Variants in CFAP77 observed in about 807,000 individuals in gnomAD.
CFAP77 encodes the protein cilia and flagella associated protein 77, also known as cilia- and flagella-associated protein 77.
CFAP77 carries 25 observed loss-of-function variants against 31.1 expected under a neutral mutation model. The observed-to-expected ratio is 0.80, with a 90% confidence interval of 0.59 to 1.12. The LOEUF (loss-of-function observed/expected upper bound fraction) is 1.12. Among genes scored for constraint, CFAP77 ranks in the 50% most tolerant of loss-of-function variants. The pLI is 0.00. For synonymous variants in CFAP77, 151 were observed against 159.9 expected, an observed-to-expected ratio of 0.94 and a Z score of 0.42; for missense variants, 377 against 397.3, an observed-to-expected ratio of 0.95 and a Z score of 0.44.
intron 1 of CFAP77, among the ~76,000 whole-genome samples, chr9:132,427,928 A>T (rs1850344246): frequency 6.6e-6 from 1 of 152,186 alleles, no homozygotes; most frequent in Non-Finnish European, 1.5e-5. Flanking sequence ...TGAATTTTGA[A>T]GAGACGGAGT....
rs1188396287 is a variant in CFAP77, at chr9:132,542,952, C to T, written c.637C>T (p.Leu213Phe). Residue 213 changes from leucine (L) to phenylalanine (F), a missense_variant, in exon 5 of 6, where the codon CTT becomes TTT. Transcript: ENST00000393216. ...GCCTTTCCCTGGCCTACAGGTGGTC[C>T]TTGGGAAGCTGTATGAGACCCGGAG... ...IKLEKKQKVV[L>F]GKLYETRSSQ... The T allele has an allele frequency of 6.2e-7, 1 of 1,614,114 alleles. No individual in the cohort carries two copies. The highest frequency in any genetic ancestry group is 1.7e-5 in the Admixed American group (1 of 60,020).
intron 3 of CFAP77, among the ~76,000 whole-genome samples, chr9:132,521,604 C>T (rs1260144065): frequency 1.3e-5 from 2 of 151,924 alleles, no homozygotes; most frequent in Non-Finnish European, 2.9e-5. Flanking sequence ...CGAGAGGTGT[C>T]CGCCAGGCGA....
chr9:132,487,767 A>T (rs1308746650), intron 1 of CFAP77, among the ~76,000 whole-genome samples: 1 of 152,016 alleles, frequency 6.6e-6, no homozygotes, highest in African/African-American at 2.4e-5. Flanking sequence ...CACAATGCAC[A>T]GGGTTCAAAG....
At chr9:132,460,746 TTAAA>T (rs1851033497) in intron 1 of CFAP77, among the ~76,000 whole-genome samples, 1 of 152,094 alleles carries the variant, frequency 6.6e-6, no homozygotes, top group Non-Finnish European at 1.5e-5. Flanking sequence ...ATTGTGCACT[TTAAA>T]AGGGTCAATT....
At chr9:132,515,097 C>A (rs529339152) in intron 3 of CFAP77, among the ~76,000 whole-genome samples, 1 of 152,146 alleles carries the variant, frequency 6.6e-6, no homozygotes, top group Admixed American at 6.5e-5. Context: ...AACCACTTGG[C>A]GGGGGTGGGG....
intron 3 of CFAP77, among the ~76,000 whole-genome samples, chr9:132,532,663 A>G (rs959035832): frequency 1.3e-5 from 2 of 152,292 alleles, no homozygotes; most frequent in Non-Finnish European, 2.9e-5. Flanking sequence ...TTCCCCTCTC[A>G]GCACCTCCAT....
intron 1 of CFAP77, among the ~76,000 whole-genome samples, chr9:132,487,643 GTTT>G (rs74783489): frequency 5.1e-4 from 64 of 126,724 alleles, no homozygotes; most frequent in African/African-American, 1.9e-3. Flanking sequence ...TCCGGCTGTG[GTTT>G]TTTTTTTTTT....
chr9:132,565,261 CT>C lies in CFAP77; in HGVS notation c.733-7126del, dbSNP rs1373879107. Among the ~76,000 whole-genome samples the C allele has an allele frequency of 6.6e-6, 1 of 151,862 alleles. No individual in the cohort carries two copies. The highest frequency in any genetic ancestry group is 6.6e-5 in the Admixed American group (1 of 15,234). ...TGCCCCTTCCTTTGCCCCTGGCTTG[CT>C]CCTTCATCCTCCCCAGAGAGCCCTT... is the stretch of plus-strand genomic sequence containing the variant. On this transcript the variant is annotated intron_variant, in intron 5 of 5. Transcript: ENST00000393216. This position sits in a 1 kb window ranked among gnomAD's most constrained non-coding sequence, Gnocchi z 4.1.
At position 132,490,497 on chromosome 9, in the gene CFAP77, G is replaced by A. The variant is rs543076680; in HGVS notation, c.196-8198G>A. 2.6e-5 allele frequency among the ~76,000 whole-genome samples: 4 copies of A among 152,126 alleles called. No individual in the cohort carries two copies. The highest frequency in any genetic ancestry group is 2.1e-4 in the South Asian group (1 of 4,812). ...GCCCCTCTGAGGTGCCCAGAGACCC[G>A]CCACCCCTCTGTCAGGCAGCTTTTC... On this transcript the variant is annotated intron_variant, in intron 1 of 5. Coordinates refer to ENST00000393216, the MANE Select transcript of CFAP77 (RefSeq NM_001282957.2). The surrounding 1 kb of genome is among the most constrained non-coding windows in gnomAD (Gnocchi z 4.6).
At chr9:132,488,828 C>T (rs879378956) in intron 1 of CFAP77, among the ~76,000 whole-genome samples, 1 of 152,096 alleles carries the variant, frequency 6.6e-6, no homozygotes, top group African/African-American at 2.4e-5. Flanking sequence ...AGGAGGAGCC[C>T]GGAGAATCCC....
intron 1 of CFAP77, among the ~76,000 whole-genome samples, chr9:132,454,454 C>A (rs757396280): frequency 2.0e-5 from 3 of 152,186 alleles, no homozygotes; most frequent in Non-Finnish European, 2.9e-5. Flanking sequence ...AACTAAGCTT[C>A]TTTCTCCATA....
Position 132,572,676 on chromosome 9 carries a change from T to G in CFAP77, c.*166T>G. 2 of 710,010 alleles carry G rather than the reference T, an allele frequency of 2.8e-6. No homozygotes were observed. The highest frequency in any genetic ancestry group is 4.5e-6 in the Non-Finnish European group (2 of 444,560). The allele number at this position is 710,010 out of a possible 1,614,324, so 44.0% of individuals were successfully genotyped here. ...AATTGTTTTTGGTAAAAGTCCCCCC[T>G]TTTAGGTTAGCCAACATTAGTCTCC... On this transcript the variant is annotated 3_prime_UTR_variant, in exon 6 of 6. Transcript: ENST00000393216.
intron 1 of CFAP77, among the ~76,000 whole-genome samples, chr9:132,412,917 T>C (rs1411011862): frequency 1.3e-5 from 2 of 152,130 alleles, no homozygotes; most frequent in South Asian, 4.1e-4. Context: ...CCATCATAGA[T>C]TTTCAGCTCC....
intron 5 of CFAP77, among the ~76,000 whole-genome samples, chr9:132,566,092 G>T (rs1176986847): frequency 6.6e-6 from 1 of 152,086 alleles, no homozygotes; most frequent in African/African-American, 2.4e-5. Context: ...TGACTCCAGG[G>T]GTCCACAGGG....
chr9:132,415,043 A>G (rs1370719311), intron 1 of CFAP77, among the ~76,000 whole-genome samples: 1 of 152,192 alleles, frequency 6.6e-6, no homozygotes. Flanking sequence ...TTTGAGTACA[A>G]TCTGAAAATG....
At chr9:132,479,828 C>G (rs907450376) in intron 1 of CFAP77, among the ~76,000 whole-genome samples, 1 of 152,194 alleles carries the variant, frequency 6.6e-6, no homozygotes, top group African/African-American at 2.4e-5. Context: ...AGTGAATATT[C>G]TCATCTGACA....
rs147812685 is a variant in CFAP77, at chr9:132,499,428, C to T, written c.352C>T (p.Arg118Trp). The T allele has an allele frequency of 2.4e-4, 391 of 1,614,100 alleles. No individual in the cohort carries two copies. The highest frequency in any genetic ancestry group is 3.0e-4 in the Non-Finnish European group (358 of 1,180,048). ...GCCCACCTGCCCCCACGAGCTGACC[C>T]GGAATTATATCGCAATGAACCGCGG... ...QQPTCPHELTRNYIAMNRGAV... is the reference protein window; with the variant it reads ...QQPTCPHELTWNYIAMNRGAV... The change falls in exon 3 of 6, where the codon CGG becomes TGG. Residue 118 changes from arginine (R) to tryptophan (W), a missense_variant. Arg to Trp is a moderately radical substitution (Grantham distance 101). Transcript: ENST00000393216. The surrounding 1 kb of genome is among the most constrained non-coding windows in gnomAD (Gnocchi z 5.4).
At chr9:132,482,320 C>G in intron 1 of CFAP77, 5 of 1,613,516 alleles carry the variant, frequency 3.1e-6, no homozygotes, top group African/African-American at 1.3e-5. Context: ...GCTGCCGGCC[C>G]GGCCTCGGTG....
At chr9:132,446,743 CA>C (rs1184310514) in intron 1 of CFAP77, among the ~76,000 whole-genome samples, 11,598 of 66,060 alleles carry the variant, frequency 0.18, 377 homozygotes, top group East Asian at 0.36. Context: ...TCCTCCGTCT[CA>C]AAAAAAAAAA....
Sources: allele counts gnomAD v4.1 joint callset (sites outside exome capture counted in the v4.1 genomes callset), GRCh38; gene constraint gnomAD v4.1.1; non-coding constraint Gnocchi (gnomAD v3.1); transcripts MANE v1.5; gene names NCBI Gene and HGNC (gene_info 2026-07-23, HGNC 2026-07-21).